Variants in TEK observed in about 807,000 individuals in gnomAD.
TEK encodes angiopoietin-1 receptor.
TEK carries 43 observed loss-of-function variants against 131.8 expected under a neutral mutation model. That is an observed-to-expected ratio of 0.33 (90% confidence interval 0.26 to 0.42). The LOEUF is 0.42. TEK is among the 10% of genes least tolerant of loss of function. TEK has a pLI of 1.00. For missense variants in TEK, 1,162 were observed against 1,384.4 expected, an observed-to-expected ratio of 0.84 and a Z score of 2.55; for synonymous variants, 580 against 491.6, an observed-to-expected ratio of 1.18 and a Z score of -2.38.
chr9:27,165,358 A>AT (rs1564070559), intron 2 of TEK, among the ~76,000 whole-genome samples: 1 of 152,214 alleles, frequency 6.6e-6, no homozygotes, highest in Non-Finnish European at 1.5e-5. Context: ...GTCCAGGAGC[A>AT]TGCCACAGAG....
chr9:27,133,917 C>A (rs1413968789), intron 1 of TEK, among the ~76,000 whole-genome samples: 1 of 152,146 alleles, frequency 6.6e-6, no homozygotes, highest in East Asian at 1.9e-4. Context: ...ACAAAGACAG[C>A]CCAGAGCTGG....
At chr9:27,157,543 A>G (rs1823380902) in intron 1 of TEK, among the ~76,000 whole-genome samples, 1 of 152,208 alleles carries the variant, frequency 6.6e-6, no homozygotes, top group African/African-American at 2.4e-5. Flanking sequence ...TTTCCTGAAT[A>G]CCCAGCTATG....
chr9:27,141,721 G>C (rs1231875972), intron 1 of TEK, among the ~76,000 whole-genome samples: 1 of 152,098 alleles, frequency 6.6e-6, no homozygotes, highest in African/African-American at 2.4e-5. Flanking sequence ...AAGGATGCTA[G>C]TCAAATGACA....
intron 12 of TEK, among the ~76,000 whole-genome samples, chr9:27,201,918 A>G (rs566750551): frequency 1.2e-4 from 18 of 152,304 alleles, no homozygotes; most frequent in South Asian, 8.3e-4. Flanking sequence ...GTGTGGTTAT[A>G]CAAGTCAAGA....
intron 11 of TEK, among the ~76,000 whole-genome samples, chr9:27,194,945 AATC>A (rs543491016): frequency 2.6e-5 from 4 of 152,186 alleles, no homozygotes; most frequent in African/African-American, 9.6e-5. Flanking sequence ...CGTATGGGGT[AATC>A]ATGTTCCCAA....
intron 16 of TEK, among the ~76,000 whole-genome samples, chr9:27,211,797 A>G (rs942991040): frequency 1.4e-4 from 22 of 152,006 alleles, no homozygotes; most frequent in African/African-American, 4.4e-4. Flanking sequence ...CATCATTTTA[A>G]AAACATGGTT....
At chr9:27,218,011 C>CATT (rs1354354461) in intron 19 of TEK, among the ~76,000 whole-genome samples, 1 of 151,872 alleles carries the variant, frequency 6.6e-6, no homozygotes, top group Non-Finnish European at 1.5e-5. Context: ...CTTCAAGTTG[C>CATT]GAATTCTCGG....
At chr9:27,112,627 TC>T (rs1821391269) in intron 1 of TEK, among the ~76,000 whole-genome samples, 1 of 152,122 alleles carries the variant, frequency 6.6e-6, no homozygotes, top group South Asian at 2.1e-4. Context: ...GGCTCTAAAT[TC>T]TTCTGAAATT....
At chr9:27,129,413 C>G (rs1822125767) in intron 1 of TEK, among the ~76,000 whole-genome samples, 1 of 152,162 alleles carries the variant, frequency 6.6e-6, no homozygotes, top group African/African-American at 2.4e-5. Flanking sequence ...CCTACTCTTT[C>G]TCTTCTCTTC....
intron 1 of TEK, among the ~76,000 whole-genome samples, chr9:27,113,153 G>C (rs117751597): frequency 1.3e-3 from 191 of 152,246 alleles, no homozygotes; most frequent in Middle Eastern, 3.4e-3. Flanking sequence ...AGCCCAACTT[G>C]GATAACCATA....
intron 2 of TEK, among the ~76,000 whole-genome samples, chr9:27,159,290 A>C (rs1245161097): frequency 6.6e-6 from 1 of 152,146 alleles, no homozygotes; most frequent in East Asian, 1.9e-4. Flanking sequence ...TTTCATGTAC[A>C]TGAGATGTAG....
intron 9 of TEK, among the ~76,000 whole-genome samples, chr9:27,189,505 A>G (rs1824727884): frequency 6.6e-6 from 1 of 152,124 alleles, no homozygotes; most frequent in Non-Finnish European, 1.5e-5. Flanking sequence ...CCCCATTGAG[A>G]AGATGTGGTC....
chr9:27,213,040 TC>T, intron 17 of TEK, 143 bp downstream of exon 17: 1 of 860,032 alleles, frequency 1.2e-6, no homozygotes, highest in South Asian at 1.7e-5. Flanking sequence ...CTGTGAATAG[TC>T]CATCTATTTA....
intron 12 of TEK, among the ~76,000 whole-genome samples, chr9:27,198,949 C>A (rs1308841116): frequency 6.6e-6 from 1 of 152,094 alleles, no homozygotes; most frequent in Admixed American, 6.5e-5. Context: ...AGGCACACGC[C>A]ACCACACCTG....
At chr9:27,193,380 C>T (rs1335233703) in intron 11 of TEK, among the ~76,000 whole-genome samples, 1 of 152,148 alleles carries the variant, frequency 6.6e-6, no homozygotes, top group East Asian at 1.9e-4. Context: ...ATTTGCATTT[C>T]TAGTAGGTTC....
intron 1 of TEK, among the ~76,000 whole-genome samples, chr9:27,152,155 C>T (rs1478714291): frequency 6.6e-6 from 1 of 152,098 alleles, no homozygotes; most frequent in Non-Finnish European, 1.5e-5. Flanking sequence ...ATAGCTAATA[C>T]CAAATTTCCA....
At chr9:27,138,828 G>T (rs969417245) in intron 1 of TEK, among the ~76,000 whole-genome samples, 21 of 152,128 alleles carry the variant, frequency 1.4e-4, no homozygotes, top group Non-Finnish European at 2.2e-4. Context: ...TGTGAATTTG[G>T]TTGTACACAA....
intron 1 of TEK, among the ~76,000 whole-genome samples, chr9:27,140,263 T>C (rs1390765612): frequency 6.6e-6 from 1 of 152,190 alleles, no homozygotes; most frequent in Admixed American, 6.5e-5. Flanking sequence ...TCCCAATTCT[T>C]GTGGTCTCTC....
intron 4 of TEK, 113 bp downstream of exon 4, chr9:27,169,742 G>T: frequency 7.0e-7 from 1 of 1,428,592 alleles, no homozygotes; most frequent in Non-Finnish European, 9.7e-7. Flanking sequence ...CCAGGCATTG[G>T]TTGGAGGTTG....
Sources: gnomAD v4.1 joint callset for allele counts (sites outside exome capture counted in the v4.1 genomes callset) on GRCh38, gnomAD v4.1.1 for gene constraint, MANE v1.5 for transcripts, NCBI Gene and HGNC (gene_info 2026-07-23, HGNC 2026-07-21) for gene names.